Variants in MDH2 observed in about 807,000 individuals in gnomAD.
The protein encoded by MDH2 is malate dehydrogenase 2.
MDH2 carries 25 observed loss-of-function variants against 33.6 expected under a neutral mutation model. That is an observed-to-expected ratio of 0.74 (90% CI 0.54 to 1.04). The LOEUF (loss-of-function observed/expected upper bound fraction) is 1.04, where lower values mean the gene tolerates loss of function less well. Ranked by LOEUF, MDH2 falls within the 50% of genes least tolerant of loss-of-function variation. The pLI, the probability that MDH2 is intolerant of heterozygous loss-of-function variation, is 0.00. For synonymous variants in MDH2, 193 were observed against 188.7 expected (o/e 1.02, Z -0.19); for missense variants, 432 against 445.0 (o/e 0.97, Z 0.26).
chr7:76,056,250 C>G (rs1104879), intron 2 of MDH2, among the ~76,000 whole-genome samples: 1 of 152,032 alleles, frequency 6.6e-6, no homozygotes, highest in Non-Finnish European at 1.5e-5. Context: ...AGTTGCAGTA[C>G]GTATCTTTAT....
intron 1 of MDH2, among the ~76,000 whole-genome samples, chr7:76,050,928 C>A (rs1412322426): frequency 2.0e-5 from 3 of 152,220 alleles, no homozygotes; most frequent in African/African-American, 7.2e-5. Flanking sequence ...GTTGCCCAGG[C>A]TGGAGTACAG....
At position 76,064,441 on chromosome 7, in the gene MDH2, A is replaced by T. The variant is rs782068450; in HGVS notation, c.733+3A>T. On this transcript the variant is annotated splice_donor_region_variant and intron_variant, in intron 7 of 8. Coordinates refer to ENST00000315758, the MANE Select transcript of MDH2 (RefSeq NM_005918.4). ...GGTCAAGGCTAAAGCCGGAGCAGGT[A>T]GAGTCTCAGGCAGCCCCGGGGCTGG... 1.2e-5 allele frequency: 20 copies of T among 1,610,774 alleles called. No individual in the cohort carries two copies. The South Asian group carries it at 2.1e-4, about 17-fold the overall frequency.
At position 76,055,668 on chromosome 7, in the gene MDH2, T is replaced by C. The variant is rs370495053; in HGVS notation, c.235+670T>C. On this transcript the variant is annotated intron_variant, in intron 2 of 8. Transcript: ENST00000315758. ...GGGAGGATTACTTGAGCTCAGGAGGTTGAGGCTACAGTGAGCCCTGATTAC... is the reference window on the plus strand; with the variant it reads ...GGGAGGATTACTTGAGCTCAGGAGGCTGAGGCTACAGTGAGCCCTGATTAC... 4.0e-5 allele frequency among the ~76,000 whole-genome samples: 6 copies of C among 151,358 alleles called. No individual in the cohort carries two copies. In the East Asian group the frequency reaches 1.2e-3, roughly 30 times the overall value.
In MDH2 at chr7:76,051,564, G is replaced by A. The variant is rs145777038; in HGVS notation, c.67-3266G>A. Among the ~76,000 whole-genome samples, 1,218 of 151,886 alleles carry A rather than the reference G, an allele frequency of 8.0e-3. 24 individuals are homozygous for A. Among genetic ancestry groups the A allele is most frequent in the African/African-American group, 0.028 (1,141 of 41,422 alleles). The stretch of plus-strand genomic sequence containing the variant: ...TCAAACTCCCGACCTCAGGTGATGC[G>A]CCCATCTCAGCCTCCCAAAGTGCTA... On this transcript the variant is annotated intron_variant, in intron 1 of 8. Transcript: ENST00000315758.
At position 76,057,448 on chromosome 7, in the gene MDH2, G is replaced by T. The variant is rs145477708; in HGVS notation, c.274G>T (p.Gly92Cys). Reference protein sequence around the residue: ...GPEQLPDCLKGCDVVVIPAGV... With the variant: ...GPEQLPDCLKCCDVVVIPAGV... Reference sequence around the variant, plus strand: ...TGAACAGCTGCCTGACTGCCTGAAAGGTTGTGATGTGGTAGTTATTCCGGC... The same window carrying T: ...TGAACAGCTGCCTGACTGCCTGAAATGTTGTGATGTGGTAGTTATTCCGGC... Residue 92 changes from glycine (G) to cysteine (C), a missense_variant, in exon 3 of 9, where the codon GGT (glycine) becomes TGT (cysteine). Physicochemically the swap from Gly to Cys is radical, Grantham distance 159. Transcript: ENST00000315758. 13 of 1,614,082 alleles carry T rather than the reference G, an allele frequency of 8.1e-6. No homozygotes were observed. The African/African-American group carries it at 1.3e-4, about 17-fold the overall frequency.
chr7:76,052,494 T>C (rs1033329717), intron 1 of MDH2, among the ~76,000 whole-genome samples: 2 of 150,046 alleles, frequency 1.3e-5, no homozygotes, highest in African/African-American at 2.5e-5. Context: ...CCTGGTGGGA[T>C]TGTCTTGGCC....
intron 5 of MDH2, 71 bp from the exon 6 acceptor site, chr7:76,063,444 G>C (rs1235350214): frequency 6.8e-7 from 1 of 1,470,144 alleles, no homozygotes; most frequent in East Asian, 2.3e-5. Flanking sequence ...TGTTGGGGCT[G>C]TGGGCAGCTG....
chr7:76,056,293 A>G (rs1054089161), intron 2 of MDH2, among the ~76,000 whole-genome samples: 1 of 152,220 alleles, frequency 6.6e-6, no homozygotes, highest in Non-Finnish European at 1.5e-5. Flanking sequence ...AGAGTTCTAA[A>G]CACAGAATTA....
intron 4 of MDH2, 98 bp downstream of exon 4, chr7:76,058,176 G>C (rs1041298746): frequency 7.9e-6 from 9 of 1,135,936 alleles, no homozygotes; most frequent in Non-Finnish European, 2.5e-6. Context: ...CTGCTGATGT[G>C]CTGGGGGGAT....
rs540350088 is a variant in MDH2 at position 76,061,204 on chromosome 7, T to C, written c.555+706T>C. ...CCTTTGGCCCCAAAAAGTATTTCTC[T>C]TGAGCTTCAGGCCTTTTTGTTCTGA... On this transcript the variant is annotated intron_variant, in intron 5 of 8. Coordinates refer to ENST00000315758, the MANE Select transcript of MDH2 (RefSeq NM_005918.4). 1.6e-4 allele frequency among the ~76,000 whole-genome samples: 24 copies of C among 152,316 alleles called. 1 individual carries two copies. The South Asian group carries it at 5.0e-3, about 32-fold the overall frequency.
At chr7:76,049,013 A>T (rs948513466) in intron 1 of MDH2, 4 of 890,800 alleles carry the variant, frequency 4.5e-6, no homozygotes, top group East Asian at 1.4e-4. Context: ...CATTTTTACC[A>T]GGTGAATCTA....
chr7:76,053,118 G>A (rs1214600763), intron 1 of MDH2, among the ~76,000 whole-genome samples: 1 of 152,198 alleles, frequency 6.6e-6, no homozygotes, highest in South Asian at 2.1e-4. Context: ...GAGCGGGTTG[G>A]GAGGGTGGTT....
Position 76,057,394 on chromosome 7 carries a change from G to A in MDH2, c.236-16G>A. On this transcript the variant is annotated splice_polypyrimidine_tract_variant and intron_variant, in intron 2 of 8. Coordinates refer to ENST00000315758, the MANE Select transcript of MDH2 (RefSeq NM_005918.4). ...TCAGAAACGGTGACATTTCTCTTGT[G>A]GGGTGTTTGTTCTAGGCTACCTCGG... 6 of 1,613,874 alleles carry A rather than the reference G, an allele frequency of 3.7e-6. No homozygotes were observed. Among genetic ancestry groups the A allele is most frequent in the Non-Finnish European group, 5.1e-6 (6 of 1,179,886 alleles).
intron 4 of MDH2, among the ~76,000 whole-genome samples, chr7:76,058,365 G>C (rs531581161): frequency 6.6e-5 from 10 of 152,284 alleles, no homozygotes; most frequent in Non-Finnish European, 1.3e-4. Flanking sequence ...CTGAAGAGAA[G>C]TCCATTCTCA....
In MDH2 at chr7:76,066,338, G is replaced by C. The variant is rs1798096280; in HGVS notation, c.945G>C (p.Met315Ile). 4 of 1,611,146 alleles carry C rather than the reference G, an allele frequency of 2.5e-6. No homozygotes were observed. The highest frequency in any genetic ancestry group is 3.4e-6 in the Non-Finnish European group (4 of 1,179,162). The change falls in exon 9 of 9, where the codon ATG (methionine) becomes ATC (isoleucine). Residue 315 changes from methionine to isoleucine, a missense_variant. By Grantham distance (10) the Met-to-Ile change is conservative (BLOSUM62 1). Transcript: ENST00000315758. Reference protein sequence around the residue: ...IGKVSSFEEKMISDAIPELKA... With the variant: ...IGKVSSFEEKIISDAIPELKA... ...AAGTCTCCTCTTTTGAGGAGAAGAT[G>C]ATCTCGGATGCCATCCCCGAGCTGA...
chr7:76,063,710 G>T, intron 6 of MDH2, 118 bp downstream of exon 6: 1 of 1,001,462 alleles, frequency 1.0e-6, no homozygotes, highest in South Asian at 1.3e-5. Flanking sequence ...TTTTGGAAGG[G>T]CTCCTGTTGT....
intron 8 of MDH2, among the ~76,000 whole-genome samples, chr7:76,065,648 C>G (rs541729821): frequency 6.6e-6 from 1 of 152,134 alleles, no homozygotes; most frequent in Non-Finnish European, 1.5e-5. Flanking sequence ...GCAGGTGAGA[C>G]GCACCCGGTT....
intron 6 of MDH2, 28 bp from the exon 7 acceptor site, chr7:76,064,311 C>A (rs782412171): frequency 6.3e-7 from 1 of 1,582,214 alleles, no homozygotes. Context: ...CCGGAAGCCA[C>A]TCACTGATCC....
At position 76,048,217 on chromosome 7, in the gene MDH2, C is replaced by T. The variant is rs1233400056; in HGVS notation, c.57C>T (p.Thr19=). The T allele has an allele frequency of 3.9e-6, 6 of 1,535,500 alleles. No homozygotes were observed. The African/African-American group carries it at 6.8e-5, about 18-fold the overall frequency. ...ASAALRRSFS[T]SAQNNAKVAV... is the part of the protein sequence containing the mutation. ...CTGCTCTCCGCCGCAGCTTCAGCAC[C>T]TCGGCCCAGGTAGGCCAGACGAGGG... Residue 19 remains threonine, a synonymous_variant, in exon 1 of 9, where the codon ACC becomes ACT. Coordinates refer to ENST00000315758, the MANE Select transcript of MDH2 (RefSeq NM_005918.4).
Sources: gnomAD v4.1 joint callset for allele counts (sites outside exome capture counted in the v4.1 genomes callset) on GRCh38, gnomAD v4.1.1 for gene constraint, MANE v1.5 for transcripts, NCBI Gene and HGNC (gene_info 2026-07-23, HGNC 2026-07-21) for gene names.